The following PALS1 variants were observed in gnomAD, a reference collection of about 807,000 sequenced individuals.
PALS1 encodes protein associated with LIN7 1, MAGUK p55 family member, also known as protein PALS1.
PALS1 carries 31 observed loss-of-function variants against 78.9 expected under a neutral mutation model. The observed-to-expected ratio is 0.39, with a 90% CI of 0.30 to 0.53. The LOEUF (loss-of-function observed/expected upper bound fraction) is 0.53. Ranked by LOEUF, PALS1 falls within the 20% of genes least tolerant of loss-of-function variation. The probability of loss-of-function intolerance (pLI) is 0.67; values close to 1 mark genes in which losing one functional copy is unlikely to be tolerated. For synonymous variants in PALS1, 276 were observed against 270.9 expected (o/e 1.02, Z -0.18); for missense variants, 704 against 826.5 (o/e 0.85, Z 1.82).
At chr14:67,318,053 G>A (rs988874318) in intron 11 of PALS1, among the ~76,000 whole-genome samples, 1 of 152,092 alleles carries the variant, frequency 6.6e-6, no homozygotes, top group African/African-American at 2.4e-5. Context: ...ACCACTCCCA[G>A]TGTTTTATTA....
chr14:67,332,933 G>A lies in PALS1; in HGVS notation c.2005G>A (p.Val669Ile), dbSNP rs1408600715. 1.2e-6 allele frequency: 2 copies of A among 1,609,122 alleles called. No individual in the cohort carries two copies. The highest frequency in any genetic ancestry group is 1.1e-5 in the South Asian group (1 of 90,820). The change falls in exon 15 of 15, where the codon GTA becomes ATA. Residue 669 changes from valine (V) to isoleucine (I), a missense_variant. Coordinates refer to ENST00000261681, the MANE Select transcript of PALS1 (RefSeq NM_022474.4). ...INKLDTEPQWVPSTWLR is the reference protein window; with the variant it reads ...INKLDTEPQWIPSTWLR ...CAAACTTGATACTGAACCTCAGTGG[G>A]TACCATCCACTTGGCTGAGGTGAAA...
intron 11 of PALS1, among the ~76,000 whole-genome samples, chr14:67,318,624 T>G (rs2085214700): frequency 6.6e-6 from 1 of 151,668 alleles, no homozygotes; most frequent in Admixed American, 6.6e-5. Context: ...AGGAATTACA[T>G]TTGCTGTTTA....
intron 14 of PALS1, among the ~76,000 whole-genome samples, chr14:67,331,289 C>T (rs1029742420): frequency 6.6e-6 from 1 of 152,200 alleles, no homozygotes; most frequent in Non-Finnish European, 1.5e-5. Context: ...ATGTGATCCA[C>T]CTACCTTGGC....
At chr14:67,320,769 GA>G (rs1323958602) in intron 12 of PALS1, among the ~76,000 whole-genome samples, 1 of 152,122 alleles carries the variant, frequency 6.6e-6, no homozygotes, top group East Asian at 1.9e-4. Flanking sequence ...AACTTTAGGA[GA>G]AGATGAGTAG....
chr14:67,302,561 T>C lies in PALS1; in HGVS notation c.953T>C (p.Phe318Ser), dbSNP rs1263413638. The change falls in exon 7 of 15, where the codon TTT becomes TCT. Residue 318 changes from phenylalanine (F) to serine (S), a missense_variant. By Grantham distance (155) the Phe-to-Ser change is radical. Transcript: ENST00000261681. ...CGGGGGAAAGATGTCAATGAGGTTT[T>C]TGACTTGTTGGTAAGTTGACGCAGC... The part of the protein sequence containing the change: ...EIRGKDVNEV[F>S]DLLSDMHGTL... 2.0e-6 allele frequency: 3 copies of C among 1,511,022 alleles called. No individual in the cohort carries two copies. The Admixed American group carries it at 6.1e-5, about 31-fold the overall frequency. The allele number at this position is 1,511,022 out of a possible 1,614,324, so 93.6% of individuals were successfully genotyped here.
At chr14:67,315,115 C>G (rs940799556) in intron 9 of PALS1, among the ~76,000 whole-genome samples, 1 of 151,956 alleles carries the variant, frequency 6.6e-6, no homozygotes, top group Non-Finnish European at 1.5e-5. Context: ...ATTTCCATCT[C>G]TCATTAATTT....
intron 14 of PALS1, among the ~76,000 whole-genome samples, chr14:67,326,220 G>A (rs1167071061): frequency 6.6e-5 from 2 of 30,344 alleles, no homozygotes; most frequent in African/African-American, 1.3e-4. Context: ...ATTTAGGTCT[G>A]ATTTTTTTTT....
chr14:67,278,925 T>C (rs1188761592), intron 2 of PALS1, 93 bp from the exon 3 acceptor site: 2 of 297,354 alleles, frequency 6.7e-6, no homozygotes, highest in Non-Finnish European at 1.2e-5. Context: ...CTTATTATTT[T>C]CTACGTTGTA....
chr14:67,302,801 G>C (rs77476552), intron 7 of PALS1, among the ~76,000 whole-genome samples: 2,406 of 151,420 alleles, frequency 0.016, 67 homozygotes, highest in African/African-American at 0.054. Flanking sequence ...TATTTTTCTG[G>C]AATCAGTAAT....
chr14:67,284,498 G>A (rs1449939857), intron 3 of PALS1, among the ~76,000 whole-genome samples: 1 of 132,052 alleles, frequency 7.6e-6, no homozygotes, highest in Non-Finnish European at 1.6e-5. Context: ...GGAGGCTGAG[G>A]CAGGAGGATT....
At chr14:67,317,824 G>A (rs2085200874) in intron 11 of PALS1, among the ~76,000 whole-genome samples, 1 of 152,164 alleles carries the variant, frequency 6.6e-6, no homozygotes, top group African/African-American at 2.4e-5. Context: ...ACTCATTCCT[G>A]AGAACCCACT....
In PALS1 at chr14:67,306,967, G is replaced by C. The variant is rs542158715; in HGVS notation, c.1041+3368G>C. On this transcript the variant is annotated intron_variant, in intron 8 of 14. Transcript: ENST00000261681. ...ATTTATGTTTTGTGATGTTAGAAATGTGTTTAAGACAGATATACAAAATAA... is the reference window on the plus strand; with the variant it reads ...ATTTATGTTTTGTGATGTTAGAAATCTGTTTAAGACAGATATACAAAATAA... Among the ~76,000 whole-genome samples the C allele has an allele frequency of 2.4e-4, 37 of 152,312 alleles. 1 individual carries two copies. In the South Asian group the frequency reaches 7.7e-3, roughly 32 times the overall value.
intron 2 of PALS1, among the ~76,000 whole-genome samples, chr14:67,272,722 G>A (rs767549413): frequency 6.6e-6 from 1 of 152,118 alleles, no homozygotes; most frequent in African/African-American, 2.4e-5. Context: ...GCAGTGGCAC[G>A]ATCTTGGCTC....
In PALS1 at chr14:67,321,392, GCTATCTGAAATCA is replaced by G. The variant is rs201162910; in HGVS notation, c.1740+135_1740+147del. 1,038 of 803,518 alleles carry G rather than the reference GCTATCTGAAATCA, an allele frequency of 1.3e-3. 6 individuals are homozygous for G. The African/African-American group carries it at 0.016, about 12-fold the overall frequency. The allele number at this position is 803,518 out of a possible 1,614,324, so 49.8% of individuals were successfully genotyped here. The stretch of plus-strand genomic sequence containing the variant: ...CTCATACGGTTTTTCCCACTGATTT[GCTATCTGAAATCA>G]CACAGGTTGCTAAATCTCTTTCAGT... On this transcript the variant is annotated intron_variant, in intron 13 of 14. Transcript: ENST00000261681.
chr14:67,324,673 C>G (rs1319030021), intron 14 of PALS1, among the ~76,000 whole-genome samples: 2 of 151,970 alleles, frequency 1.3e-5, no homozygotes, highest in African/African-American at 4.8e-5. Context: ...CAGGCGCAGA[C>G]TCTGGGCCCA....
chr14:67,255,009 T>C (rs2084124311), intron 1 of PALS1, among the ~76,000 whole-genome samples: 1 of 152,074 alleles, frequency 6.6e-6, no homozygotes, highest in Non-Finnish European at 1.5e-5. Flanking sequence ...ATTAGCTGGG[T>C]GTGGTGGCGC....
chr14:67,264,204 T>A (rs565774930), intron 1 of PALS1, among the ~76,000 whole-genome samples: 5 of 152,372 alleles, frequency 3.3e-5, no homozygotes, highest in Non-Finnish European at 5.9e-5. Context: ...ATACTGTTTT[T>A]TAAAACCTGT....
At chr14:67,312,782 A>T (rs902186311) in intron 9 of PALS1, 72 bp downstream of exon 9, 19 of 1,204,412 alleles carry the variant, frequency 1.6e-5, no homozygotes, top group South Asian at 8.0e-5. Flanking sequence ...ACAAAGAAAA[A>T]CTCACTCTTT....
chr14:67,332,235 AT>A (rs1262300886), intron 14 of PALS1, among the ~76,000 whole-genome samples: 9 of 152,176 alleles, frequency 5.9e-5, no homozygotes, highest in South Asian at 2.1e-4. Flanking sequence ...TCTTTGTAAA[AT>A]GGCCCTTTCC....
Sources: gnomAD v4.1 joint callset for allele counts (sites outside exome capture counted in the v4.1 genomes callset) on GRCh38, gnomAD v4.1.1 for gene constraint, MANE v1.5 for transcripts, NCBI Gene and HGNC (gene_info 2026-07-23, HGNC 2026-07-21) for gene names.